The following UNC5D variants were observed in gnomAD, a reference collection of about 807,000 sequenced individuals.
The protein encoded by UNC5D is unc-5 netrin receptor D, also known as netrin receptor UNC5D.
UNC5D carries 39 observed loss-of-function variants against 105.4 expected under a neutral mutation model. The observed-to-expected ratio is 0.37, with a 90% CI of 0.29 to 0.48. The LOEUF (loss-of-function observed/expected upper bound fraction) is 0.48. Ranked by LOEUF, UNC5D falls within the 20% of genes least tolerant of loss-of-function variation. The pLI is 0.98. For synonymous variants in UNC5D, 452 were observed against 450.4 expected, an observed-to-expected ratio of 1.00 and a Z score of -0.04; for missense variants, 991 against 1,202.4, an observed-to-expected ratio of 0.82 and a Z score of 2.60.
intron 1 of UNC5D, among the ~76,000 whole-genome samples, chr8:35,510,128 C>T (rs763674332): frequency 4.0e-5 from 6 of 151,872 alleles, no homozygotes; most frequent in Non-Finnish European, 8.8e-5. Context: ...TTCATTACAT[C>T]CTTGGCTAAT....
chr8:35,249,749 T>TGA (rs1289553160), intron 1 of UNC5D, among the ~76,000 whole-genome samples: 2 of 152,094 alleles, frequency 1.3e-5, no homozygotes, highest in Non-Finnish European at 2.9e-5. Flanking sequence ...TCTATTATGA[T>TGA]GATTCATGTT....
chr8:35,262,615 G>A (rs1383057004), intron 1 of UNC5D, among the ~76,000 whole-genome samples: 1 of 152,180 alleles, frequency 6.6e-6, no homozygotes, highest in Non-Finnish European at 1.5e-5. Context: ...CTTCATTGGA[G>A]AGCCAGAGGG....
intron 4 of UNC5D, among the ~76,000 whole-genome samples, chr8:35,600,246 A>G (rs763222773): frequency 7.9e-5 from 12 of 152,206 alleles, no homozygotes; most frequent in Non-Finnish European, 1.5e-4. Context: ...TATTGTGAAT[A>G]GTGCCACAAT....
chr8:35,389,650 C>T (rs1441284087), intron 1 of UNC5D, among the ~76,000 whole-genome samples: 1 of 150,604 alleles, frequency 6.6e-6, no homozygotes, highest in Non-Finnish European at 1.5e-5. Flanking sequence ...AATACCAAGG[C>T]TGAAAACTAC....
At chr8:35,383,733 T>G (rs1432849605) in intron 1 of UNC5D, among the ~76,000 whole-genome samples, 2 of 152,166 alleles carry the variant, frequency 1.3e-5, no homozygotes, top group East Asian at 3.9e-4. Context: ...ATTGTTGAAA[T>G]ATCCTAATTT....
intron 4 of UNC5D, among the ~76,000 whole-genome samples, chr8:35,632,494 G>A (rs1822103202): frequency 6.6e-6 from 1 of 152,214 alleles, no homozygotes. Context: ...CGACCTGATT[G>A]TCCTCTGATA....
intron 1 of UNC5D, among the ~76,000 whole-genome samples, chr8:35,352,679 C>T (rs541202346): frequency 7.4e-4 from 113 of 152,236 alleles, no homozygotes; most frequent in African/African-American, 2.6e-3. Flanking sequence ...GTAGCACAAT[C>T]TCGGCTCATT....
chr8:35,616,697 G>A (rs941113230), intron 4 of UNC5D, among the ~76,000 whole-genome samples: 3 of 152,068 alleles, frequency 2.0e-5, no homozygotes, highest in East Asian at 1.9e-4. Flanking sequence ...GATTACATCC[G>A]TTATCCTGTA....
chr8:35,703,185 A>C (rs563853200), intron 7 of UNC5D, among the ~76,000 whole-genome samples: 1 of 145,276 alleles, frequency 6.9e-6, no homozygotes, highest in Admixed American at 6.9e-5. Context: ...ACAAATAGGC[A>C]TTTTTTTTTT....
At chr8:35,403,552 T>C (rs1180264931) in intron 1 of UNC5D, among the ~76,000 whole-genome samples, 1 of 152,236 alleles carries the variant, frequency 6.6e-6, no homozygotes, top group Non-Finnish European at 1.5e-5. Context: ...CTTTGCACTT[T>C]GGAATTTTGG....
intron 8 of UNC5D, among the ~76,000 whole-genome samples, chr8:35,719,936 C>A (rs1828485194): frequency 6.6e-6 from 1 of 152,184 alleles, no homozygotes; most frequent in South Asian, 2.1e-4. Context: ...TATTTTATTC[C>A]TTTAAGTCAA....
At chr8:35,444,597 AG>A (rs1807652790) in intron 1 of UNC5D, among the ~76,000 whole-genome samples, 1 of 152,052 alleles carries the variant, frequency 6.6e-6, no homozygotes. Flanking sequence ...AAATTAGAAG[AG>A]AAAACACTCA....
chr8:35,668,207 C>T (rs1362358838), intron 4 of UNC5D, among the ~76,000 whole-genome samples: 1 of 151,896 alleles, frequency 6.6e-6, no homozygotes, highest in Non-Finnish European at 1.5e-5. Context: ...TGTATTTTTC[C>T]TCCTTTATAT....
Position 35,595,805 on chromosome 8 carries a change from A to G in UNC5D, c.570+148A>G, listed in dbSNP as rs1819458280. 1.2e-5 allele frequency: 8 copies of G among 664,570 alleles called. No homozygotes were observed. In the East Asian group the frequency reaches 2.2e-4, roughly 18 times the overall value. 41.2% of individuals were successfully genotyped at this position (664,570 alleles called of 1,614,324 possible). A position where few individuals can be genotyped will look rare whatever the true frequency, so the allele number is the denominator to read the frequency against. ...GGCTCAGTTGCTAAACACGGTGAAG[A>G]AATTGTCTAGGAAATAAGCTAGAAA... is the stretch of plus-strand genomic sequence containing the variant. On this transcript the variant is annotated intron_variant, in intron 4 of 16. Coordinates refer to ENST00000404895, the MANE Select transcript of UNC5D (RefSeq NM_080872.4).
At chr8:35,349,890 G>A (rs1413148126) in intron 1 of UNC5D, among the ~76,000 whole-genome samples, 1 of 151,938 alleles carries the variant, frequency 6.6e-6, no homozygotes, top group Non-Finnish European at 1.5e-5. Context: ...CAAGTAACTG[G>A]CAGTAAAGGA....
chr8:35,699,399 C>T (rs981492121), intron 7 of UNC5D, among the ~76,000 whole-genome samples: 2 of 152,162 alleles, frequency 1.3e-5, no homozygotes, highest in African/African-American at 4.8e-5. Context: ...ACCCTTCTGA[C>T]TTCATCTAAT....
intron 4 of UNC5D, among the ~76,000 whole-genome samples, chr8:35,642,759 C>T (rs78156975): frequency 0.02 from 2,969 of 152,048 alleles, 104 homozygotes; most frequent in African/African-American, 0.066. Context: ...TTTTGTGGCC[C>T]GGTACAGATT....
chr8:35,358,833 A>G (rs1010404222), intron 1 of UNC5D, among the ~76,000 whole-genome samples: 1 of 152,234 alleles, frequency 6.6e-6, no homozygotes, highest in African/African-American at 2.4e-5. Flanking sequence ...ATAAAATTAT[A>G]GAAACTAGTA....
At chr8:35,292,149 T>A (rs1807115010) in intron 1 of UNC5D, among the ~76,000 whole-genome samples, 2 of 152,200 alleles carry the variant, frequency 1.3e-5, no homozygotes, top group South Asian at 4.1e-4. Flanking sequence ...CCCAAATCCC[T>A]TTGTGGTTGA....
Sources: gnomAD v4.1 joint callset for allele counts (sites outside exome capture counted in the v4.1 genomes callset) on GRCh38, gnomAD v4.1.1 for gene constraint, MANE v1.5 for transcripts, NCBI Gene and HGNC (gene_info 2026-07-23, HGNC 2026-07-21) for gene names.